The following EHBP1 variants were observed in gnomAD, a reference collection of about 807,000 sequenced individuals.
EHBP1 encodes the protein EH domain binding protein 1.
Under a neutral mutation model 144.0 loss-of-function variants are expected in EHBP1, and 55 were observed. That is an observed-to-expected ratio of 0.38 (90% confidence interval 0.31 to 0.48). The LOEUF (loss-of-function observed/expected upper bound fraction) is 0.48, where lower values mean the gene tolerates loss of function less well. Among genes scored for constraint, EHBP1 ranks in the 20% least tolerant of loss-of-function variants. EHBP1 has a pLI of 0.98. For synonymous variants in EHBP1, 469 were observed against 472.7 expected (o/e 0.99, Z 0.10); for missense variants, 1,200 against 1,364.2 (o/e 0.88, Z 1.90).
At chr2:62,961,901 G>A (rs375362632) in intron 14 of EHBP1, among the ~76,000 whole-genome samples, 3 of 152,076 alleles carry the variant, frequency 2.0e-5, no homozygotes, top group African/African-American at 4.8e-5. Flanking sequence ...TGACAGCACC[G>A]CCTATAGTCC....
At position 62,818,597 on chromosome 2, in the gene EHBP1, C is replaced by T. The variant is rs187018369; in HGVS notation, c.313-7490C>T. Among the ~76,000 whole-genome samples the T allele has an allele frequency of 8.5e-5, 13 of 152,160 alleles. No homozygotes were observed. The South Asian group carries it at 1.5e-3, about 17-fold the overall frequency. ...ATGCATGACTGTATAGCCTTAACTG[C>T]TTATATCAGCAAAGAAGAACTGCTC... On this transcript the variant is annotated intron_variant, in intron 5 of 22. Coordinates refer to ENST00000431489, the MANE Select transcript of EHBP1 (RefSeq NM_001142616.3).
At chr2:62,681,382 T>C (rs965630168) in intron 1 of EHBP1, among the ~76,000 whole-genome samples, 2 of 133,592 alleles carry the variant, frequency 1.5e-5, no homozygotes, top group Non-Finnish European at 3.2e-5. Context: ...TGTATAAATA[T>C]ATAATGTGTA....
chr2:63,003,072 G>C (rs2059910617), intron 19 of EHBP1, among the ~76,000 whole-genome samples: 1 of 151,910 alleles, frequency 6.6e-6, no homozygotes. Context: ...TGTTTTTAAT[G>C]ATTATACCTA....
chr2:62,830,191 C>CAT (rs1553434292), intron 6 of EHBP1, among the ~76,000 whole-genome samples: 22 of 106,182 alleles, frequency 2.1e-4, no homozygotes, highest in African/African-American at 6.8e-4. Context: ...CACACACACA[C>CAT]ACACATATAT....
chr2:62,965,563 C>T (rs906572684), intron 14 of EHBP1, among the ~76,000 whole-genome samples: 1 of 152,196 alleles, frequency 6.6e-6, no homozygotes, highest in African/African-American at 2.4e-5. Context: ...TAAAGAGTCA[C>T]TTGCATGTTG....
intron 9 of EHBP1, among the ~76,000 whole-genome samples, chr2:62,871,171 G>A (rs557104282): frequency 1.3e-5 from 2 of 152,198 alleles, no homozygotes; most frequent in Non-Finnish European, 2.9e-5. Context: ...CAAACTTTAA[G>A]TACAGGCATT....
chr2:62,999,443 T>C (rs768824557), intron 19 of EHBP1, among the ~76,000 whole-genome samples: 1 of 152,190 alleles, frequency 6.6e-6, no homozygotes, highest in Non-Finnish European at 1.5e-5. Flanking sequence ...AAGTTTTTCA[T>C]CACCCTAAAC....
rs372243126 is a variant in EHBP1 at position 62,740,263 on chromosome 2, A to G, written c.105-7132A>G. ...TATTTAACTGACAAAGATGTTTTGC[A>G]TCTTTTATTATTAGAATTGTCCTTT... On this transcript the variant is annotated intron_variant, in intron 2 of 22. Transcript: ENST00000431489. Among the ~76,000 whole-genome samples, 3 of 152,312 alleles carry G rather than the reference A, an allele frequency of 2.0e-5. No homozygotes were observed. In the South Asian group the frequency reaches 6.2e-4, roughly 32 times the overall value.
chr2:62,806,768 C>G (rs916994204), intron 5 of EHBP1, among the ~76,000 whole-genome samples: 11 of 151,622 alleles, frequency 7.3e-5, no homozygotes, highest in African/African-American at 2.4e-4. Flanking sequence ...TTTTAGTTCC[C>G]CCAGAGTTTG....
At chr2:62,691,232 G>C (rs141050462) in intron 1 of EHBP1, among the ~76,000 whole-genome samples, 1 of 152,216 alleles carries the variant, frequency 6.6e-6, no homozygotes, top group Non-Finnish European at 1.5e-5. Context: ...TATGAAAGAA[G>C]TCTGGTGATA....
intron 14 of EHBP1, among the ~76,000 whole-genome samples, chr2:62,975,895 C>T (rs1487954905): frequency 3.7e-5 from 5 of 133,640 alleles, no homozygotes; most frequent in African/African-American, 1.2e-4. Flanking sequence ...TGTACACACA[C>T]ACACACACAC....
chr2:62,746,121 T>C (rs1423790137), intron 2 of EHBP1, among the ~76,000 whole-genome samples: 3 of 152,094 alleles, frequency 2.0e-5, no homozygotes, highest in Admixed American at 6.6e-5. Flanking sequence ...AGCTTACATT[T>C]GTTGGCTACT....
At chr2:62,809,905 A>G (rs1558709874) in intron 5 of EHBP1, among the ~76,000 whole-genome samples, 1 of 152,210 alleles carries the variant, frequency 6.6e-6, no homozygotes, top group East Asian at 1.9e-4. Context: ...TACGTTCAAC[A>G]TAAAGATATT....
intron 7 of EHBP1, among the ~76,000 whole-genome samples, chr2:62,840,093 A>G (rs2047676390): frequency 1.3e-5 from 2 of 151,842 alleles, no homozygotes; most frequent in Non-Finnish European, 2.9e-5. Context: ...AAACTATACT[A>G]CAAGGCTACA....
In EHBP1 at chr2:62,862,401, G is replaced by A. The variant is rs182019396; in HGVS notation, c.758-2330G>A. Among the ~76,000 whole-genome samples the A allele has an allele frequency of 2.0e-5, 3 of 152,242 alleles. No individual in the cohort carries two copies. In the East Asian group the frequency reaches 5.8e-4, roughly 29 times the overall value. On this transcript the variant is annotated intron_variant, in intron 8 of 22. Coordinates refer to ENST00000431489, the MANE Select transcript of EHBP1 (RefSeq NM_001142616.3). ...AGGCGGGCAGATCACCTGAGGTCAG[G>A]AGTTCAAGACCAGCCTGGCCAACAG...
intron 5 of EHBP1, among the ~76,000 whole-genome samples, chr2:62,824,147 A>T (rs1450520382): frequency 6.6e-6 from 1 of 152,060 alleles, no homozygotes; most frequent in South Asian, 2.1e-4. Flanking sequence ...ATGATAAAAA[A>T]TCTAGACTTT....
chr2:62,958,433 G>T (rs767373306), intron 14 of EHBP1, among the ~76,000 whole-genome samples: 1 of 152,114 alleles, frequency 6.6e-6, no homozygotes, highest in Admixed American at 6.6e-5. Flanking sequence ...GAATCTTGGA[G>T]ATATTATGCT....
At chr2:62,873,433 T>C (rs2050640964) in intron 9 of EHBP1, among the ~76,000 whole-genome samples, 1 of 151,966 alleles carries the variant, frequency 6.6e-6, no homozygotes, top group South Asian at 2.1e-4. Flanking sequence ...ATCTAGAATA[T>C]AGCACAAGAA....
chr2:62,707,396 A>G (rs570914392), intron 2 of EHBP1, 101 bp downstream of exon 2: 1 of 832,868 alleles, frequency 1.2e-6, no homozygotes, highest in East Asian at 2.6e-5. Flanking sequence ...TCTATAGTGC[A>G]CTAGTGTGTA....
Sources: gnomAD v4.1 joint callset for allele counts (sites outside exome capture counted in the v4.1 genomes callset) on GRCh38, gnomAD v4.1.1 for gene constraint, MANE v1.5 for transcripts, NCBI Gene and HGNC (gene_info 2026-07-23, HGNC 2026-07-21) for gene names.